The following CCNA1 variants were observed in gnomAD, a reference collection of about 807,000 sequenced individuals.
The protein encoded by CCNA1 is cyclin A1.
In CCNA1, 23 loss-of-function variants were observed where a neutral mutation model predicts 54.1. That is an observed-to-expected ratio of 0.42 (90% CI 0.31 to 0.60). CCNA1 has a LOEUF of 0.60. Ranked by LOEUF, CCNA1 falls within the 20% of genes least tolerant of loss-of-function variation. The pLI, the probability that CCNA1 is intolerant of heterozygous loss-of-function variation, is 0.14. For synonymous variants in CCNA1, 208 were observed against 213.9 expected, an observed-to-expected ratio of 0.97 and a Z score of 0.24; for missense variants, 450 against 556.7, an observed-to-expected ratio of 0.81 and a Z score of 1.93.
intron 7 of CCNA1, among the ~76,000 whole-genome samples, chr13:36,441,677 T>C (rs2055876462): frequency 6.6e-6 from 1 of 152,212 alleles, no homozygotes. Flanking sequence ...ACATCAGAAA[T>C]GGACCCCTAG....
At chr13:36,437,179 C>A (rs1203853080) in intron 2 of CCNA1, among the ~76,000 whole-genome samples, 2 of 152,018 alleles carry the variant, frequency 1.3e-5, no homozygotes, top group Non-Finnish European at 2.9e-5. Context: ...ATTATAGGGG[C>A]CTTCTGGCTA....
intron 2 of CCNA1, among the ~76,000 whole-genome samples, chr13:36,436,017 A>G (rs2055800588): frequency 6.6e-6 from 1 of 152,198 alleles, no homozygotes; most frequent in Admixed American, 6.6e-5. Flanking sequence ...AATGTCTAGA[A>G]CTATTTTGCT....
At chr13:36,433,430 C>CTTTCT (rs752277244) in intron 2 of CCNA1, among the ~76,000 whole-genome samples, 21 of 103,596 alleles carry the variant, frequency 2.0e-4, no homozygotes, top group African/African-American at 7.4e-4. Context: ...TTCTTTCTTT[C>CTTTCT]TTTCTTTCTT....
At chr13:36,439,523 G>A (rs2055849712) in intron 5 of CCNA1, among the ~76,000 whole-genome samples, 1 of 152,178 alleles carries the variant, frequency 6.6e-6, no homozygotes, top group African/African-American at 2.4e-5. Context: ...ATGTCTCTTG[G>A]CTATAAGCAT....
chr13:36,440,111 A>G lies in CCNA1; in HGVS notation c.1026A>G (p.Pro342=). 1 of 1,614,114 alleles carries G rather than the reference A, an allele frequency of 6.2e-7. No individual in the cohort carries two copies. The highest frequency in any genetic ancestry group is 8.5e-7 in the Non-Finnish European group (1 of 1,179,954). The change falls in exon 6 of 9, where the codon CCA becomes CCG. Residue 342 remains proline (P), a synonymous_variant. Coordinates refer to ENST00000255465, the MANE Select transcript of CCNA1 (RefSeq NM_003914.4). ...TTCTAGCTTTTGATCTGACAGTACC[A>G]ACCACCAACCAGTTTCTCCTTCAGT...
At position 36,433,236 on chromosome 13, in the gene CCNA1, G is replaced by A. The variant is rs138820675; in HGVS notation, c.297+15G>A. 8.8e-6 allele frequency: 14 copies of A among 1,598,522 alleles called. No individual in the cohort carries two copies. The highest frequency in any genetic ancestry group is 1.2e-5 in the Non-Finnish European group (14 of 1,171,298). Reference sequence around the variant, plus strand: ...CCTGTGGCCAGGTAATGACTCAGACGCATTGAGAATGATGCTTGTGGAGAA... The same window carrying A: ...CCTGTGGCCAGGTAATGACTCAGACACATTGAGAATGATGCTTGTGGAGAA... On this transcript the variant is annotated intron_variant, in intron 2 of 8. Coordinates refer to ENST00000255465, the MANE Select transcript of CCNA1 (RefSeq NM_003914.4).
intron 7 of CCNA1, 57 bp downstream of exon 7, chr13:36,441,288 C>T: frequency 9.6e-7 from 1 of 1,044,582 alleles, no homozygotes; most frequent in Non-Finnish European, 1.5e-6. Context: ...ATGGGCTTGC[C>T]TCTTATGAGG....
chr13:36,431,755 C>T (rs926154320), upstream of CCNA1: 2 of 152,462 alleles, frequency 1.3e-5, no homozygotes, highest in African/African-American at 4.8e-5. Flanking sequence ...GCGTCCCAGC[C>T]GCCTCCCGGC....
At chr13:36,439,582 A>G (rs2055850235) in intron 5 of CCNA1, among the ~76,000 whole-genome samples, 2 of 152,222 alleles carry the variant, frequency 1.3e-5, no homozygotes, top group Non-Finnish European at 2.9e-5. Flanking sequence ...TTTAAAAACT[A>G]GAGGCCTGTG....
Position 36,441,178 on chromosome 13 carries a change from A to G in CCNA1, c.1159A>G (p.Ile387Val), listed in dbSNP as rs2055870365. 3 of 1,613,380 alleles carry G rather than the reference A, an allele frequency of 1.9e-6. No homozygotes were observed. The highest frequency in any genetic ancestry group is 2.5e-6 in the Non-Finnish European group (3 of 1,179,442). The change falls in exon 7 of 9, where the codon ATA becomes GTA. Residue 387 changes from isoleucine to valine, a missense_variant. Ile to Val is a conservative substitution (Grantham distance 29). Around this residue, in one of 6 missense-constraint regions of CCNA1, gnomAD observed 22 missense variants for 52.7 expected, o/e 0.42. Coordinates refer to ENST00000255465, the MANE Select transcript of CCNA1 (RefSeq NM_003914.4). ...ATTCTTGAAATATCTTCCTTCACTG[A>G]TAGCTGCAGCAGCTTTTTGCCTGGC... is the stretch of plus-strand genomic sequence containing the variant.
At chr13:36,439,909 TG>T (rs1327957288) in intron 5 of CCNA1, 69 bp from the exon 6 acceptor site, 5 of 997,022 alleles carry the variant, frequency 5.0e-6, no homozygotes, top group Non-Finnish European at 4.7e-6. Context: ...CGGAGAGGCG[TG>T]GCTTATGGTA....
At chr13:36,434,870 G>C (rs2055782938) in intron 2 of CCNA1, among the ~76,000 whole-genome samples, 1 of 146,472 alleles carries the variant, frequency 6.8e-6, no homozygotes, top group African/African-American at 2.6e-5. Flanking sequence ...GTGTCTTCTT[G>C]CTTCTTCAAG....
chr13:36,440,481 T>G (rs908726377), intron 6 of CCNA1, among the ~76,000 whole-genome samples: 2 of 152,220 alleles, frequency 1.3e-5, no homozygotes, highest in African/African-American at 4.8e-5. Flanking sequence ...CTCCTAGGTT[T>G]ATAGAGTGGG....
At chr13:36,437,481 T>C in intron 2 of CCNA1, 148 bp from the exon 3 acceptor site, 1 of 489,418 alleles carries the variant, frequency 2.0e-6, no homozygotes. Context: ...TTTGAAGACC[T>C]TTTTTTTTTG....
chr13:36,439,834 G>A (rs2055853357), intron 5 of CCNA1, 145 bp from the exon 6 acceptor site: 1 of 611,560 alleles, frequency 1.6e-6, no homozygotes, highest in African/African-American at 1.8e-5. Context: ...TACTTTCATA[G>A]CCCTGAGTCA....
rs1320014261 is a variant in CCNA1 at position 36,432,552 on chromosome 13, C to T, written c.-70C>T. The T allele has an allele frequency of 2.3e-6, 2 of 874,412 alleles. No individual in the cohort carries two copies. Among genetic ancestry groups the T allele is most frequent in the African/African-American group, 3.4e-5 (2 of 59,002 alleles). 54.2% of individuals were successfully genotyped at this position (874,412 alleles called of 1,614,324 possible). ...GGAAGAGCGGGGCCCGCTTTGGGGT[C>T]CAGGCAGGTTTTGGGGCCTCCTGTC... On this transcript the variant is annotated 5_prime_UTR_variant, in exon 1 of 9. Coordinates refer to ENST00000255465, the MANE Select transcript of CCNA1 (RefSeq NM_003914.4).
chr13:36,437,604 A>G (rs753010782), intron 2 of CCNA1, 25 bp from the exon 3 acceptor site: 1 of 1,610,856 alleles, frequency 6.2e-7, no homozygotes, highest in East Asian at 2.2e-5. Flanking sequence ...CGTGGCCTCT[A>G]ACAAAAGATT....
intron 5 of CCNA1, among the ~76,000 whole-genome samples, chr13:36,439,698 C>A (rs1054541840): frequency 2.0e-5 from 3 of 152,152 alleles, no homozygotes; most frequent in Non-Finnish European, 2.9e-5. Flanking sequence ...CATTCAGAAT[C>A]TTTCAGTGTA....
chr13:36,432,639 C>G lies in CCNA1; in HGVS notation c.18C>G (p.Pro6=). ...CACTTGGGATGGAGACCGGCTTTCC[C>G]GCAATCATGTACCCTGGATCTTTTA... Residue 6 remains proline, a synonymous_variant, in exon 1 of 9, where the codon CCC becomes CCG. Transcript: ENST00000255465. 2 of 1,598,916 alleles carry G rather than the reference C, an allele frequency of 1.3e-6. No individual in the cohort carries two copies. The highest frequency in any genetic ancestry group is 1.7e-6 in the Non-Finnish European group (2 of 1,173,672).
Sources: allele counts gnomAD v4.1 joint callset (sites outside exome capture counted in the v4.1 genomes callset), GRCh38; gene constraint gnomAD v4.1.1; regional missense constraint gnomAD v4.1.1; transcripts MANE v1.5; gene names NCBI Gene and HGNC (gene_info 2026-07-23, HGNC 2026-07-21).